Variants in TSHZ1 observed in about 807,000 individuals in gnomAD.
TSHZ1 encodes the protein teashirt homolog 1.
In TSHZ1, 12 loss-of-function variants were observed where a neutral mutation model predicts 67.1. That is an observed-to-expected ratio of 0.18 (90% CI 0.11 to 0.29). The LOEUF (loss-of-function observed/expected upper bound fraction) is 0.29. Among genes scored for constraint, TSHZ1 ranks in the 10% least tolerant of loss-of-function variants. The pLI is 1.00. For synonymous variants in TSHZ1, 632 were observed against 622.4 expected (o/e 1.02, Z -0.23); for missense variants, 1,305 against 1,413.9 (o/e 0.92, Z 1.23).
intron 1 of TSHZ1, among the ~76,000 whole-genome samples, chr18:75,266,682 T>C (rs1347434961): frequency 2.0e-5 from 3 of 152,178 alleles, no homozygotes; most frequent in African/African-American, 4.8e-5. Flanking sequence ...CAGACTGCAA[T>C]TGATGGTGCC....
rs114837717 is a variant in TSHZ1 at position 75,226,053 on chromosome 18, C to A, written c.40+14137C>A. 5.4e-3 allele frequency among the ~76,000 whole-genome samples: 820 copies of A among 152,270 alleles called. 9 individuals are homozygous for A. The highest frequency in any genetic ancestry group is 0.019 in the African/African-American group (798 of 41,546). ...CAGGCATCAGATTCAAACGATGCAA[C>A]TCAGTAGGTGTGGGGGCAAAACTGC... On this transcript the variant is annotated intron_variant, in intron 1 of 1. Transcript: ENST00000580243.
intron 1 of TSHZ1, among the ~76,000 whole-genome samples, chr18:75,213,736 A>G (rs945667189): frequency 1.3e-5 from 2 of 152,170 alleles, no homozygotes; most frequent in African/African-American, 2.4e-5. Flanking sequence ...ACTTTTTTCC[A>G]ATATTGATTT....
intron 1 of TSHZ1, among the ~76,000 whole-genome samples, chr18:75,230,123 A>G (rs2022978402): frequency 6.6e-6 from 1 of 152,210 alleles, no homozygotes; most frequent in Non-Finnish European, 1.5e-5. Flanking sequence ...GTAGTTTATC[A>G]AATTCATATG....
Position 75,211,770 on chromosome 18 carries a change from C to T in TSHZ1, c.-107C>T. Reference sequence around the variant, plus strand: ...GAGCCCGGAGCCCGCGGGGACGAGGCCAAAGTTGGGCGCGCCGCGGAGTTG... The same window carrying T: ...GAGCCCGGAGCCCGCGGGGACGAGGTCAAAGTTGGGCGCGCCGCGGAGTTG... On this transcript the variant is annotated 5_prime_UTR_variant, in exon 1 of 2. Coordinates refer to ENST00000580243, the MANE Select transcript of TSHZ1 (RefSeq NM_001308210.2). 1 of 728,686 alleles carries T rather than the reference C, an allele frequency of 1.4e-6. No homozygotes were observed. The highest frequency in any genetic ancestry group is 6.5e-4 in the Middle Eastern group (1 of 1,534). The allele number at this position is 728,686 out of a possible 1,614,324, so 45.1% of individuals were successfully genotyped here. A position where few individuals can be genotyped will look rare whatever the true frequency, so the allele number is the denominator to read the frequency against.
intron 1 of TSHZ1, among the ~76,000 whole-genome samples, chr18:75,244,168 G>T (rs1238988137): frequency 6.6e-6 from 1 of 152,102 alleles, no homozygotes; most frequent in Non-Finnish European, 1.5e-5. Context: ...CATCGTGCTC[G>T]GAGTTCCGGG....
chr18:75,269,393 G>A (rs2023530745), intron 1 of TSHZ1, among the ~76,000 whole-genome samples: 1 of 152,120 alleles, frequency 6.6e-6, no homozygotes, highest in Admixed American at 6.5e-5. Context: ...CCAGCAGGAA[G>A]ACAGATCACT....
At position 75,288,637 on chromosome 18, in the gene TSHZ1, A is replaced by G. The variant is rs1305037354; in HGVS notation, c.3230A>G (p.Gln1077Arg). 2 of 1,588,734 alleles carry G rather than the reference A, an allele frequency of 1.3e-6. No individual in the cohort carries two copies. The highest frequency in any genetic ancestry group is 2.7e-5 in the African/African-American group (2 of 73,918). The change falls in exon 2 of 2, where the codon CAG (glutamine) becomes CGG (arginine). Residue 1077 changes from glutamine to arginine, a missense_variant. By Grantham distance (43) the Gln-to-Arg change is conservative. Transcript: ENST00000580243. This position sits in a 1 kb window ranked among gnomAD's most constrained non-coding sequence, Gnocchi z 4.9. Reference protein sequence around the residue: ...HLIYVTELEKQ With the variant: ...HLIYVTELEKR The stretch of plus-strand genomic sequence containing the variant: ...ATCTATGTGACTGAGTTGGAGAAAC[A>G]GTAGCGTCCAGGTATGCAAGAGACC...
chr18:75,277,787 G>A (rs28420499), intron 1 of TSHZ1, among the ~76,000 whole-genome samples: 6,348 of 152,234 alleles, frequency 0.042, 155 homozygotes, highest in East Asian at 0.076. Flanking sequence ...CATTCAGACC[G>A]CAGCAGCTGA....
At chr18:75,217,831 C>A (rs1298808168) in intron 1 of TSHZ1, among the ~76,000 whole-genome samples, 2 of 152,120 alleles carry the variant, frequency 1.3e-5, no homozygotes, top group Admixed American at 6.5e-5. Context: ...AGAATAATGA[C>A]ATTTATATCT....
chr18:75,231,357 A>C (rs1386124148), intron 1 of TSHZ1, among the ~76,000 whole-genome samples: 1 of 152,186 alleles, frequency 6.6e-6, no homozygotes, highest in Non-Finnish European at 1.5e-5. Context: ...TCATTTCCAC[A>C]GTTGCTTGGT....
chr18:75,254,938 C>G (rs1263247852), intron 1 of TSHZ1, among the ~76,000 whole-genome samples: 1 of 152,146 alleles, frequency 6.6e-6, no homozygotes, highest in Non-Finnish European at 1.5e-5. Context: ...CCAGAAAACC[C>G]AGCCTCCAAA....
At chr18:75,275,570 G>A (rs1005327948) in intron 1 of TSHZ1, among the ~76,000 whole-genome samples, 2 of 152,142 alleles carry the variant, frequency 1.3e-5, no homozygotes, top group South Asian at 2.1e-4. Context: ...GTTTCTCATT[G>A]GGGCGAGCCC....
chr18:75,284,239 T>C (rs996057409), intron 1 of TSHZ1: 3 of 152,778 alleles, frequency 2.0e-5, no homozygotes, highest in Admixed American at 2.0e-4. Context: ...CATCTCGGTT[T>C]CTCTGCCTTC....
intron 1 of TSHZ1, among the ~76,000 whole-genome samples, chr18:75,270,559 A>G (rs1475240826): frequency 6.6e-6 from 1 of 152,228 alleles, no homozygotes; most frequent in South Asian, 2.1e-4. Context: ...ATCATTATCC[A>G]AGAATATATT....
intron 1 of TSHZ1, among the ~76,000 whole-genome samples, chr18:75,240,351 A>G (rs28661122): frequency 0.014 from 2,152 of 152,100 alleles, 32 homozygotes; most frequent in Middle Eastern, 0.054. Flanking sequence ...TTTTAAAGAA[A>G]AAAAGGCATT....
chr18:75,287,781 G>A lies in TSHZ1; in HGVS notation c.2374G>A (p.Val792Met), dbSNP rs1039462591. 1 of 1,614,196 alleles carries A rather than the reference G, an allele frequency of 6.2e-7. No homozygotes were observed. The highest frequency in any genetic ancestry group is 8.5e-7 in the Non-Finnish European group (1 of 1,180,048). ...CAAGCCGGTGTACCCCGCCACCCCT[G>A]TGAAGCAGGCCGATGCCATCGACCG... ...LDKPVYPATP[V>M]KQADAIDRYY... The change falls in exon 2 of 2, where the codon GTG becomes ATG. Residue 792 changes from valine (V) to methionine (M), a missense_variant. Transcript: ENST00000580243. The surrounding 1 kb of genome is among the most constrained non-coding windows in gnomAD (Gnocchi z 5.0).
intron 1 of TSHZ1, among the ~76,000 whole-genome samples, chr18:75,282,054 G>A (rs540112817): frequency 2.0e-5 from 3 of 152,240 alleles, no homozygotes; most frequent in African/African-American, 4.8e-5. Flanking sequence ...GGACATCTGC[G>A]CAAGGAAATG....
At chr18:75,217,539 A>G (rs1270463320) in intron 1 of TSHZ1, among the ~76,000 whole-genome samples, 1 of 152,246 alleles carries the variant, frequency 6.6e-6, no homozygotes, top group African/African-American at 2.4e-5. Flanking sequence ...AAAGTTGTAA[A>G]TGATATCTTC....
At chr18:75,216,063 C>T (rs2022763143) in intron 1 of TSHZ1, among the ~76,000 whole-genome samples, 1 of 152,018 alleles carries the variant, frequency 6.6e-6, no homozygotes, top group Non-Finnish European at 1.5e-5. Context: ...ATTTAGGCGC[C>T]GCCTGCGTAT....
Sources: gnomAD v4.1 joint callset for allele counts (sites outside exome capture counted in the v4.1 genomes callset) on GRCh38, gnomAD v4.1.1 for gene constraint, Gnocchi (gnomAD v3.1) non-coding constraint, MANE v1.5 for transcripts, NCBI Gene and HGNC (gene_info 2026-07-23, HGNC 2026-07-21) for gene names.